Variants in C12orf42 observed in about 807,000 individuals in gnomAD.
C12orf42 encodes chromosome 12 open reading frame 42.
In C12orf42, 25 loss-of-function variants were observed where a neutral mutation model predicts 21.6. That is an observed-to-expected ratio of 1.16 (90% CI 0.84 to 1.62). C12orf42 has a LOEUF of 1.62. Among genes scored for constraint, C12orf42 ranks in the 40% most tolerant of loss-of-function variants. The pLI, the probability that C12orf42 is intolerant of heterozygous loss-of-function variation, is 0.00. For missense variants in C12orf42, 483 were observed against 459.3 expected (o/e 1.05, Z -0.47); for synonymous variants, 174 against 175.0 (o/e 0.99, Z 0.05).
upstream of C12orf42, among the ~76,000 whole-genome samples, chr12:103,499,348 A>G (rs1342171049): frequency 6.6e-6 from 1 of 152,266 alleles, no homozygotes; most frequent in Non-Finnish European, 1.5e-5. Context: ...ATATCAAATC[A>G]TTACATTGTA....
the C12orf42 span, among the ~76,000 whole-genome samples, chr12:103,188,394 C>G: frequency 6.6e-6 from 1 of 152,022 alleles, no homozygotes; most frequent in Admixed American, 6.5e-5. Flanking sequence ...ATCACCTGAA[C>G]AGTATACACT....
the C12orf42 span, among the ~76,000 whole-genome samples, chr12:103,547,445 C>T: frequency 2.0e-5 from 3 of 152,182 alleles, no homozygotes; most frequent in Non-Finnish European, 2.9e-5. Flanking sequence ...TCAATCAGGT[C>T]GTGATTGTCT....
At chr12:103,168,087 T>G in the C12orf42 span, 1 of 455,950 alleles carries the variant, frequency 2.2e-6, no homozygotes, top group Middle Eastern at 3.3e-4. Context: ...TGTGGATACT[T>G]TTATTCACCA....
chr12:103,384,858 A>G (rs973416710), intron 3 of C12orf42, among the ~76,000 whole-genome samples: 1 of 152,224 alleles, frequency 6.6e-6, no homozygotes, highest in Non-Finnish European at 1.5e-5. Flanking sequence ...GGAAGAGTTC[A>G]GACATAAAAA....
the C12orf42 span, among the ~76,000 whole-genome samples, chr12:103,194,589 T>C: frequency 1.3e-5 from 2 of 152,010 alleles, no homozygotes; most frequent in African/African-American, 4.8e-5. Flanking sequence ...AATAATAGAA[T>C]ACTTAGGAAT....
At chr12:103,101,049 G>T in the C12orf42 span, among the ~76,000 whole-genome samples, 1 of 152,150 alleles carries the variant, frequency 6.6e-6, no homozygotes, top group Admixed American at 6.5e-5. Context: ...GGGTAATCTT[G>T]AGCATCATTT....
At position 103,241,888 on chromosome 12, in the gene C12orf42, A is replaced by G. The variant is rs559234225; in HGVS notation, c.*1367-3986T>C. Among the ~76,000 whole-genome samples the G allele has an allele frequency of 2.6e-5, 4 of 152,274 alleles. No homozygotes were observed. In the East Asian group the frequency reaches 5.8e-4, roughly 22 times the overall value. ...TTAGCCTGTGTTATTAGTCTTTTTC[A>G]AAGAATGATTTTAAAATAAATGTAT... On this transcript the variant is annotated intron_variant and NMD_transcript_variant, in intron 10 of 10. Transcript: ENST00000547347.
chr12:103,226,851 G>A, the C12orf42 span, among the ~76,000 whole-genome samples: 2 of 152,158 alleles, frequency 1.3e-5, no homozygotes, highest in African/African-American at 4.8e-5. Context: ...GAAGGTTTGG[G>A]ACGAGTTGCA....
At chr12:103,562,568 T>C in the C12orf42 span, among the ~76,000 whole-genome samples, 5 of 152,346 alleles carry the variant, frequency 3.3e-5, no homozygotes, top group East Asian at 9.6e-4. Context: ...CAGCATGGCT[T>C]ACTGCCTCCA....
chr12:103,296,133 G>A (rs1489307649), intron 4 of C12orf42, among the ~76,000 whole-genome samples: 3 of 151,286 alleles, frequency 2.0e-5, no homozygotes, highest in Non-Finnish European at 2.9e-5. Context: ...TTGTCCTTGT[G>A]ATAGTTTGCT....
chr12:103,390,774 A>T (rs1300026639), intron 3 of C12orf42, among the ~76,000 whole-genome samples: 1 of 152,202 alleles, frequency 6.6e-6, no homozygotes, highest in Non-Finnish European at 1.5e-5. Context: ...GCAAGAGATG[A>T]CATCTTAGTT....
intron 4 of C12orf42, among the ~76,000 whole-genome samples, chr12:103,363,501 C>T (rs926760350): frequency 8.5e-5 from 13 of 152,086 alleles, no homozygotes; most frequent in Admixed American, 7.2e-4. Flanking sequence ...CATCTCAATA[C>T]TGACATTGAA....
the C12orf42 span, among the ~76,000 whole-genome samples, chr12:103,112,559 G>A: frequency 6.6e-6 from 1 of 152,130 alleles, no homozygotes; most frequent in Non-Finnish European, 1.5e-5. Context: ...TACTCGGGAG[G>A]CTGAGGCATG....
the C12orf42 span, among the ~76,000 whole-genome samples, chr12:103,120,383 C>A: frequency 3.3e-5 from 5 of 152,014 alleles, no homozygotes; most frequent in Admixed American, 3.3e-4. Context: ...AATGAATAAA[C>A]AAAAAGGACA....
the C12orf42 span, among the ~76,000 whole-genome samples, chr12:103,068,934 CATATATATATATATATATATATATATAT>C: frequency 0.014 from 693 of 48,168 alleles, 36 homozygotes; most frequent in African/African-American, 0.041. Context: ...TCTCTCTCCA[CATATATATATATATATATATATATATAT>C]ATATATATAT....
At chr12:103,481,261 G>T (rs1202365865) in intron 1 of C12orf42, among the ~76,000 whole-genome samples, 1 of 151,748 alleles carries the variant, frequency 6.6e-6, no homozygotes, top group Non-Finnish European at 1.5e-5. Flanking sequence ...TAAAACATGG[G>T]TTTATGTATG....
At chr12:103,245,214 A>G (rs1407919429) in intron 10 of C12orf42, among the ~76,000 whole-genome samples, 1 of 152,142 alleles carries the variant, frequency 6.6e-6, no homozygotes, top group Non-Finnish European at 1.5e-5. Context: ...CAGGCAGTGA[A>G]AAACTCACCT....
At chr12:103,246,028 T>C (rs1363928577) in intron 10 of C12orf42, among the ~76,000 whole-genome samples, 1 of 152,090 alleles carries the variant, frequency 6.6e-6, no homozygotes, top group Non-Finnish European at 1.5e-5. Flanking sequence ...GCCAAAATAA[T>C]GGGCAAAGTT....
intron 1 of C12orf42, among the ~76,000 whole-genome samples, chr12:103,482,672 T>C (rs1954552139): frequency 6.6e-6 from 1 of 152,158 alleles, no homozygotes; most frequent in African/African-American, 2.4e-5. Flanking sequence ...AGGGTTTCAG[T>C]CGTTATCTCC....
Sources: allele counts gnomAD v4.1 joint callset (sites outside exome capture counted in the v4.1 genomes callset), GRCh38; gene constraint gnomAD v4.1.1; transcripts MANE v1.5; gene names NCBI Gene and HGNC (gene_info 2026-07-23, HGNC 2026-07-21).